Variants in COLEC10 observed in about 807,000 individuals in gnomAD.
COLEC10 encodes the protein collectin-10.
Under a neutral mutation model 28.4 loss-of-function variants are expected in COLEC10, and 22 were observed. The ratio of observed to expected loss-of-function variants is 0.78; its 90% CI spans 0.55 to 1.11. COLEC10 has a LOEUF of 1.11. Among genes scored for constraint, COLEC10 ranks in the 50% least tolerant of loss-of-function variants. The probability of loss-of-function intolerance (pLI) is 0.00; values close to 1 mark genes in which losing one functional copy is unlikely to be tolerated. For missense variants in COLEC10, 361 were observed against 344.1 expected (o/e 1.05, Z -0.39); for synonymous variants, 125 against 116.1 (o/e 1.08, Z -0.49).
chr8:118,959,056 C>G, the COLEC10 span, among the ~76,000 whole-genome samples: 1 of 152,194 alleles, frequency 6.6e-6, no homozygotes, highest in African/African-American at 2.4e-5. Context: ...TCCAAACAAC[C>G]TGGTACTTAC....
At chr8:118,955,302 CT>C in the COLEC10 span, among the ~76,000 whole-genome samples, 2 of 152,098 alleles carry the variant, frequency 1.3e-5, no homozygotes, top group Non-Finnish European at 2.9e-5. Flanking sequence ...GTGGGTATGT[CT>C]TTTAAAAAAT....
At chr8:118,972,047 A>G in the COLEC10 span, among the ~76,000 whole-genome samples, 1 of 151,884 alleles carries the variant, frequency 6.6e-6, no homozygotes, top group Non-Finnish European at 1.5e-5. Flanking sequence ...AACTGAATGA[A>G]TTTGTTTGCT....
chr8:118,952,944 G>A, the COLEC10 span, among the ~76,000 whole-genome samples: 1 of 152,190 alleles, frequency 6.6e-6, no homozygotes, highest in African/African-American at 2.4e-5. Flanking sequence ...AAAAGTCCCT[G>A]CAGAGCTGCT....
the COLEC10 span, among the ~76,000 whole-genome samples, chr8:118,963,061 G>A: frequency 6.6e-6 from 1 of 152,136 alleles, no homozygotes; most frequent in African/African-American, 2.4e-5. Flanking sequence ...AGAGTGCTAT[G>A]GAAGCATGCA....
Position 119,057,166 on chromosome 8 carries a change from C to G in COLEC10, n.236-32514C>G, listed in dbSNP as rs140324023. On this transcript the variant is annotated intron_variant and non_coding_transcript_variant, in intron 2 of 6. Transcript: ENST00000521788. Reference sequence around the variant, plus strand: ...GCGGTTTCCTCCATGCTGTTCTCATCATAGTGAGTGAGTTTTCACAAGATC... The same window carrying G: ...GCGGTTTCCTCCATGCTGTTCTCATGATAGTGAGTGAGTTTTCACAAGATC... Among the ~76,000 whole-genome samples the G allele has an allele frequency of 3.5e-3, 534 of 152,054 alleles. 3 individuals are homozygous for G. Among genetic ancestry groups the G allele is most frequent in the African/African-American group, 0.012 (500 of 41,504 alleles).
At chr8:119,016,631 C>T (rs1322476850) in intron 2 of COLEC10, among the ~76,000 whole-genome samples, 3 of 151,944 alleles carry the variant, frequency 2.0e-5, no homozygotes, top group South Asian at 2.1e-4. Flanking sequence ...AACTAATACA[C>T]TCCCACCAAC....
At chr8:119,022,820 T>G (rs1226077592) in intron 2 of COLEC10, among the ~76,000 whole-genome samples, 1 of 152,100 alleles carries the variant, frequency 6.6e-6, no homozygotes, top group Non-Finnish European at 1.5e-5. Flanking sequence ...CTCCAGTAGC[T>G]GTCATCTCAC....
intron 1 of COLEC10, 191 bp downstream of exon 1, chr8:119,067,620 G>C: frequency 1.9e-6 from 1 of 527,814 alleles, no homozygotes. Flanking sequence ...TTTGATGTTA[G>C]GTAAGAGGAT....
intron 1 of COLEC10, among the ~76,000 whole-genome samples, chr8:119,082,091 T>C (rs1220751476): frequency 6.6e-6 from 1 of 151,972 alleles, no homozygotes; most frequent in East Asian, 1.9e-4. Context: ...ATGATAAGAA[T>C]CAAGATGAGA....
intron 2 of COLEC10, among the ~76,000 whole-genome samples, chr8:119,047,332 T>C (rs1814603344): frequency 1.3e-5 from 2 of 152,150 alleles, no homozygotes; most frequent in African/African-American, 4.8e-5. Flanking sequence ...ATTTCAACTG[T>C]GGAAGTTCAG....
intron 2 of COLEC10, among the ~76,000 whole-genome samples, chr8:119,034,415 TAAAA>T (rs372730726): frequency 7.3e-6 from 1 of 137,922 alleles, no homozygotes. Context: ...TTACAGTATT[TAAAA>T]AAAAAAAAAA....
intron 2 of COLEC10, among the ~76,000 whole-genome samples, chr8:119,021,444 A>C (rs1223379707): frequency 6.6e-6 from 1 of 152,192 alleles, no homozygotes; most frequent in Non-Finnish European, 1.5e-5. Context: ...GTTTAGGAGC[A>C]GAGAATGCAT....
intron 1 of COLEC10, among the ~76,000 whole-genome samples, chr8:119,085,599 C>CTTCTTT (rs1563739053): frequency 3.0e-4 from 19 of 63,558 alleles, no homozygotes; most frequent in African/African-American, 5.3e-4. Context: ...TCTTCTTCTT[C>CTTCTTT]TTTTTTTTTT....
the COLEC10 span, among the ~76,000 whole-genome samples, chr8:118,958,433 G>C: frequency 6.6e-6 from 1 of 152,200 alleles, no homozygotes. Context: ...CCACTTAACA[G>C]GGTTTTGCAC....
chr8:119,065,129 G>A (rs7842367), upstream of COLEC10, among the ~76,000 whole-genome samples: 14,978 of 152,044 alleles, frequency 0.099, 1,031 homozygotes, highest in East Asian at 0.24. Flanking sequence ...GCAAATTTCT[G>A]CTGTTTAAGC....
chr8:119,005,255 A>T (rs1046924014), intron 1 of COLEC10, among the ~76,000 whole-genome samples: 10 of 152,132 alleles, frequency 6.6e-5, no homozygotes, highest in African/African-American at 2.4e-4. Context: ...CATGACATAT[A>T]CTCAACCTAA....
intron 2 of COLEC10, among the ~76,000 whole-genome samples, chr8:119,045,937 A>G (rs1814577424): frequency 6.6e-6 from 1 of 152,342 alleles, no homozygotes; most frequent in Admixed American, 6.5e-5. Context: ...GTCTTTGGAA[A>G]AGCAGAAGTT....
chr8:118,991,035 G>T (rs1586985394), upstream of COLEC10, among the ~76,000 whole-genome samples: 1 of 151,132 alleles, frequency 6.6e-6, no homozygotes, highest in East Asian at 1.9e-4. Context: ...CTCACAATTT[G>T]GAAAATCTTT....
chr8:119,061,401 C>CT (rs1445162790), intron 2 of COLEC10, among the ~76,000 whole-genome samples: 17 of 144,510 alleles, frequency 1.2e-4, no homozygotes, highest in African/African-American at 3.8e-4. Context: ...AAAAGGTCCA[C>CT]ATTAAGGCCA....
Sources: allele counts gnomAD v4.1 joint callset (sites outside exome capture counted in the v4.1 genomes callset), GRCh38; gene constraint gnomAD v4.1.1; transcripts MANE v1.5; gene names NCBI Gene and HGNC (gene_info 2026-07-23, HGNC 2026-07-21).